The following PTGIS variants were observed in gnomAD, a reference collection of about 807,000 sequenced individuals.
PTGIS encodes prostaglandin I2 synthase.
In PTGIS, 45 loss-of-function variants were observed where a neutral mutation model predicts 50.3. That is an observed-to-expected ratio of 0.90 (90% CI 0.70 to 1.15). The LOEUF (loss-of-function observed/expected upper bound fraction) is 1.15, where lower values mean the gene tolerates loss of function less well. Ranked by LOEUF, PTGIS falls within the 50% of genes most tolerant of loss-of-function variation. The pLI is 0.00. For synonymous variants in PTGIS, 260 were observed against 267.7 expected, an observed-to-expected ratio of 0.97 and a Z score of 0.28; for missense variants, 668 against 661.3, an observed-to-expected ratio of 1.01 and a Z score of -0.11.
chr20:49,561,867 G>A (rs1334768771), intron 1 of PTGIS, among the ~76,000 whole-genome samples: 2 of 152,166 alleles, frequency 1.3e-5, no homozygotes, highest in African/African-American at 4.8e-5. Context: ...TTTACCTAGT[G>A]CCAACTACAC....
At chr20:49,519,395 C>G (rs1232998949) in intron 6 of PTGIS, among the ~76,000 whole-genome samples, 2 of 152,076 alleles carry the variant, frequency 1.3e-5, no homozygotes, top group Non-Finnish European at 2.9e-5. Context: ...CCTGACTCAT[C>G]ATCTCCGACC....
intron 6 of PTGIS, among the ~76,000 whole-genome samples, chr20:49,520,366 C>T (rs918796527): frequency 1.3e-5 from 2 of 151,118 alleles, no homozygotes; most frequent in African/African-American, 2.4e-5. Flanking sequence ...GGGAGTCTCA[C>T]TCTGTTGCCC....
At chr20:49,535,037 A>T (rs977119952) in intron 5 of PTGIS, among the ~76,000 whole-genome samples, 1 of 152,128 alleles carries the variant, frequency 6.6e-6, no homozygotes, top group African/African-American at 2.4e-5. Flanking sequence ...ACACCCAGAG[A>T]TGTTTCATCA....
chr20:49,541,287 C>T (rs575238476), intron 4 of PTGIS, among the ~76,000 whole-genome samples: 2 of 151,754 alleles, frequency 1.3e-5, no homozygotes, highest in Admixed American at 1.3e-4. Context: ...CAGGCCACTG[C>T]GGTACTCCCA....
chr20:49,529,892 C>T (rs546518437), intron 5 of PTGIS, among the ~76,000 whole-genome samples: 37 of 152,242 alleles, frequency 2.4e-4, no homozygotes, highest in Non-Finnish European at 2.8e-4. Context: ...TGGTGGCTCA[C>T]GCCTGTAATC....
At chr20:49,533,299 T>C (rs1237352276) in intron 5 of PTGIS, among the ~76,000 whole-genome samples, 1 of 152,140 alleles carries the variant, frequency 6.6e-6, no homozygotes, top group Non-Finnish European at 1.5e-5. Context: ...GATTCTTTGA[T>C]ATAAGAATGC....
At chr20:49,547,266 T>A (rs1982382808) in intron 3 of PTGIS, among the ~76,000 whole-genome samples, 1 of 152,102 alleles carries the variant, frequency 6.6e-6, no homozygotes, top group Non-Finnish European at 1.5e-5. Flanking sequence ...GATTCCTCCA[T>A]ATGTTTCAGG....
intron 5 of PTGIS, among the ~76,000 whole-genome samples, chr20:49,533,720 G>A (rs1981993461): frequency 6.6e-6 from 1 of 152,126 alleles, no homozygotes; most frequent in Non-Finnish European, 1.5e-5. Context: ...ACTTTGGGAG[G>A]CTGAAGCAGG....
At chr20:49,528,155 T>G (rs1275283392) in intron 5 of PTGIS, among the ~76,000 whole-genome samples, 1 of 152,060 alleles carries the variant, frequency 6.6e-6, no homozygotes, top group African/African-American at 2.4e-5. Flanking sequence ...GAATTTGAAT[T>G]CCAAGGTTTC....
At chr20:49,550,027 G>GCTCATC (rs892320446) in intron 2 of PTGIS, 39 bp downstream of exon 2, 5 of 1,613,786 alleles carry the variant, frequency 3.1e-6, no homozygotes, top group African/African-American at 1.3e-5. Context: ...AGGCCCAGCT[G>GCTCATC]CTCATCCCCA....
Position 49,524,062 on chromosome 20 carries a change from G to T in PTGIS, c.851C>A (p.Thr284Lys), listed in dbSNP as rs751363812. The T allele has an allele frequency of 8.1e-6, 13 of 1,614,090 alleles. No individual in the cohort carries two copies. The highest frequency in any genetic ancestry group is 1.1e-5 in the Non-Finnish European group (13 of 1,180,046). ...ARALVLQLWA[T>K]QGNMGPAAFW... ...CACTTGCACATTCACACCCACCTGT[G>T]TGGCCCACAGCTGCAGCACCAGGGC... The change falls in exon 6 of 10, where the codon ACA becomes AAA. Residue 284 changes from threonine (T) to lysine (K), a missense_variant. Transcript: ENST00000244043.
At chr20:49,513,667 C>T (rs915282367) in intron 7 of PTGIS, among the ~76,000 whole-genome samples, 2 of 152,180 alleles carry the variant, frequency 1.3e-5, no homozygotes, top group Non-Finnish European at 2.9e-5. Context: ...CTATGCTCAA[C>T]TCCTGGGATG....
chr20:49,564,757 G>T (rs923596168), intron 1 of PTGIS, among the ~76,000 whole-genome samples: 2 of 152,090 alleles, frequency 1.3e-5, no homozygotes, highest in African/African-American at 4.8e-5. Context: ...ATTTTGGAGG[G>T]GCCTAGATGT....
intron 4 of PTGIS, among the ~76,000 whole-genome samples, chr20:49,543,844 T>C (rs1240610002): frequency 6.6e-6 from 1 of 152,250 alleles, no homozygotes; most frequent in East Asian, 1.9e-4. Context: ...GGACTTCATC[T>C]GTCCTGTTCC....
intron 1 of PTGIS, among the ~76,000 whole-genome samples, chr20:49,551,395 G>T (rs1982503066): frequency 6.6e-6 from 1 of 151,970 alleles, no homozygotes; most frequent in Non-Finnish European, 1.5e-5. Context: ...GAAAACTTTG[G>T]TCTTCACAAC....
At chr20:49,513,295 G>A in intron 7 of PTGIS, 34 bp from the exon 8 acceptor site, 1 of 1,602,606 alleles carries the variant, frequency 6.2e-7, no homozygotes. Context: ...GAGTCAGCGG[G>A]CTATCCCTTC....
intron 6 of PTGIS, among the ~76,000 whole-genome samples, chr20:49,517,451 T>C (rs1359845359): frequency 7.4e-6 from 1 of 135,648 alleles, no homozygotes; most frequent in East Asian, 2.0e-4. Flanking sequence ...GATGTGAGTG[T>C]GAGTGTGTGT....
intron 6 of PTGIS, among the ~76,000 whole-genome samples, chr20:49,523,595 C>T (rs1053867952): frequency 4.6e-5 from 7 of 152,018 alleles, no homozygotes; most frequent in African/African-American, 7.2e-5. Flanking sequence ...AAGTTTGAGA[C>T]CAGCCTGGCC....
chr20:49,514,486 C>A, intron 6 of PTGIS, 91 bp from the exon 7 acceptor site: 1 of 1,474,092 alleles, frequency 6.8e-7, no homozygotes, highest in Non-Finnish European at 9.2e-7. Context: ...ACAGAGGGGC[C>A]AGTAGGCCTG....
Sources: gnomAD v4.1 joint callset for allele counts (sites outside exome capture counted in the v4.1 genomes callset) on GRCh38, gnomAD v4.1.1 for gene constraint, MANE v1.5 for transcripts, NCBI Gene and HGNC (gene_info 2026-07-23, HGNC 2026-07-21) for gene names.